Variants in LINGO2 observed in about 807,000 individuals in gnomAD.
LINGO2 encodes leucine rich repeat and Ig domain containing 2, also known as leucine-rich repeat and immunoglobulin-like domain-containing nogo receptor-interacting protein 2.
A neutral mutation model predicts 30.6 loss-of-function variants in LINGO2; 14 were observed. The ratio of observed to expected loss-of-function variants is 0.46; its 90% CI spans 0.30 to 0.72. The LOEUF (loss-of-function observed/expected upper bound fraction) is 0.72. Among genes scored for constraint, LINGO2 ranks in the 30% least tolerant of loss-of-function variants. The probability of loss-of-function intolerance (pLI) is 0.07; values close to 1 mark genes in which losing one functional copy is unlikely to be tolerated. For synonymous variants in LINGO2, 317 were observed against 288.5 expected (o/e 1.10, Z -1.00); for missense variants, 729 against 751.7 (o/e 0.97, Z 0.35).
intron 3 of LINGO2, among the ~76,000 whole-genome samples, chr9:28,298,317 A>C (rs929314868): frequency 2.0e-5 from 3 of 152,056 alleles, no homozygotes; most frequent in Non-Finnish European, 2.9e-5. Flanking sequence ...GCATAGTATG[A>C]TAACAAGATA....
the LINGO2 span, among the ~76,000 whole-genome samples, chr9:28,998,587 T>C: frequency 6.6e-6 from 1 of 152,056 alleles, no homozygotes; most frequent in African/African-American, 2.4e-5. Context: ...TTAATTTGAA[T>C]TAATAGTTTC....
At chr9:28,053,125 A>G (rs1824754074) in intron 4 of LINGO2, among the ~76,000 whole-genome samples, 1 of 151,916 alleles carries the variant, frequency 6.6e-6, no homozygotes, top group South Asian at 2.1e-4. Flanking sequence ...GTATAATGAG[A>G]GTCATAGGAA....
the LINGO2 span, chr9:27,937,816 A>C: frequency 6.6e-6 from 1 of 152,286 alleles, no homozygotes; most frequent in Middle Eastern, 3.4e-3. Flanking sequence ...GGCAATTAAA[A>C]ATGGCCCTCT....
intron 4 of LINGO2, among the ~76,000 whole-genome samples, chr9:28,055,171 T>C (rs548002150): frequency 1.3e-5 from 2 of 152,314 alleles, no homozygotes; most frequent in African/African-American, 2.4e-5. Flanking sequence ...TTTATCCTTA[T>C]GTAAATTGGC....
At chr9:29,080,257 G>A in the LINGO2 span, among the ~76,000 whole-genome samples, 1 of 152,058 alleles carries the variant, frequency 6.6e-6, no homozygotes, top group African/African-American at 2.4e-5. Context: ...ATTCTCTGAT[G>A]GTAGTTTGTA....
chr9:27,981,567 AAAGAAAAAAAAAAG>A (rs1820872744), intron 5 of LINGO2, among the ~76,000 whole-genome samples: 1 of 130,000 alleles, frequency 7.7e-6, no homozygotes, highest in Non-Finnish European at 1.7e-5. Context: ...AAAGAAAAAA[AAAGAAAAAAAAAAG>A]AAAAAAAATT....
intron 4 of LINGO2, among the ~76,000 whole-genome samples, chr9:28,247,500 C>T (rs545414133): frequency 3.3e-5 from 5 of 152,026 alleles, no homozygotes; most frequent in Non-Finnish European, 7.4e-5. Flanking sequence ...AACACAGGAA[C>T]AGAAAACCAA....
chr9:28,995,203 G>A, the LINGO2 span, among the ~76,000 whole-genome samples: 1 of 152,086 alleles, frequency 6.6e-6, no homozygotes, highest in Non-Finnish European at 1.5e-5. Flanking sequence ...TCAAAATCTG[G>A]GTGAAGGACA....
chr9:27,979,748 G>A (rs77971234), intron 5 of LINGO2, among the ~76,000 whole-genome samples: 7,351 of 151,922 alleles, frequency 0.048, 335 homozygotes, highest in Admixed American at 0.1. Context: ...TGATATCAAT[G>A]CCAATGATAA....
chr9:28,942,280 G>A, the LINGO2 span, among the ~76,000 whole-genome samples: 2 of 152,178 alleles, frequency 1.3e-5, no homozygotes, highest in African/African-American at 4.8e-5. Flanking sequence ...ATCATCTCCA[G>A]CACCAAGTTA....
chr9:28,052,134 G>T (rs995190393), intron 4 of LINGO2, among the ~76,000 whole-genome samples: 1 of 151,978 alleles, frequency 6.6e-6, no homozygotes, highest in Admixed American at 6.6e-5. Flanking sequence ...ATTTTAATTC[G>T]TTAAAGAAGC....
chr9:28,131,631 A>G (rs530709759), intron 4 of LINGO2, among the ~76,000 whole-genome samples: 1 of 152,290 alleles, frequency 6.6e-6, no homozygotes, highest in South Asian at 2.1e-4. Flanking sequence ...TAATTTTTTT[A>G]CAATAGTTTC....
intron 5 of LINGO2, among the ~76,000 whole-genome samples, chr9:28,006,138 C>A (rs866073189): frequency 5.2e-4 from 79 of 151,840 alleles, no homozygotes; most frequent in African/African-American, 1.9e-3. Context: ...AAAGCTCCTT[C>A]CGGAAGAAAA....
At chr9:28,960,960 G>C in the LINGO2 span, among the ~76,000 whole-genome samples, 7 of 151,954 alleles carry the variant, frequency 4.6e-5, no homozygotes, top group African/African-American at 1.7e-4. Flanking sequence ...CTAATCACAA[G>C]GTCTACAGGA....
chr9:28,726,467 T>C, the LINGO2 span, among the ~76,000 whole-genome samples: 1 of 152,156 alleles, frequency 6.6e-6, no homozygotes, highest in Non-Finnish European at 1.5e-5. Flanking sequence ...ACTGTGTATA[T>C]AAATATGAAG....
chr9:29,077,115 C>G, the LINGO2 span, among the ~76,000 whole-genome samples: 30,004 of 151,878 alleles, frequency 0.2, 3,104 homozygotes, highest in African/African-American at 0.24. Context: ...TATCGCTTTA[C>G]TTATTTTTTT....
chr9:29,035,286 T>G, the LINGO2 span, among the ~76,000 whole-genome samples: 1 of 152,032 alleles, frequency 6.6e-6, no homozygotes, highest in African/African-American at 2.4e-5. Flanking sequence ...TTGTGGTCAT[T>G]TATCTTATTT....
At chr9:28,915,607 A>G in the LINGO2 span, among the ~76,000 whole-genome samples, 3 of 152,184 alleles carry the variant, frequency 2.0e-5, no homozygotes, top group Admixed American at 2.0e-4. Flanking sequence ...AGACTTGTGT[A>G]TTAAAAGTAA....
At chr9:28,938,310 T>C in the LINGO2 span, among the ~76,000 whole-genome samples, 1 of 152,210 alleles carries the variant, frequency 6.6e-6, no homozygotes, top group South Asian at 2.1e-4. Flanking sequence ...CTATAGAACA[T>C]GCTTTCTCAT....
Sources: allele counts gnomAD v4.1 joint callset (sites outside exome capture counted in the v4.1 genomes callset), GRCh38; gene constraint gnomAD v4.1.1; transcripts MANE v1.5; gene names NCBI Gene and HGNC (gene_info 2026-07-23, HGNC 2026-07-21).